Variants in RASA2 observed in about 807,000 individuals in gnomAD.
The protein encoded by RASA2 is RAS p21 protein activator 2.
RASA2 carries 155 observed loss-of-function variants against 118.2 expected under a neutral mutation model. That is an observed-to-expected ratio of 1.31 (90% CI 1.15 to 1.50). The LOEUF (loss-of-function observed/expected upper bound fraction) is 1.50, where lower values mean the gene tolerates loss of function less well. Ranked by LOEUF, RASA2 falls within the 40% of genes most tolerant of loss-of-function variation. The pLI is 0.00. For missense variants in RASA2, 1,016 were observed against 1,009.6 expected, an observed-to-expected ratio of 1.01 and a Z score of -0.09; for synonymous variants, 353 against 349.1, an observed-to-expected ratio of 1.01 and a Z score of -0.12.
At chr3:141,490,519 A>G (rs1482049537) in intron 1 of RASA2, among the ~76,000 whole-genome samples, 1 of 152,104 alleles carries the variant, frequency 6.6e-6, no homozygotes, top group Non-Finnish European at 1.5e-5. Flanking sequence ...CCATGCCACC[A>G]TATGTGTGGG....
At chr3:141,522,109 G>A (rs1448129023) in intron 3 of RASA2, among the ~76,000 whole-genome samples, 1 of 151,912 alleles carries the variant, frequency 6.6e-6, no homozygotes, top group Non-Finnish European at 1.5e-5. Context: ...AATTACATGA[G>A]TAATGTATGG....
chr3:141,561,727 G>C (rs1363535883), intron 9 of RASA2, among the ~76,000 whole-genome samples: 4 of 152,174 alleles, frequency 2.6e-5, no homozygotes, highest in African/African-American at 9.7e-5. Flanking sequence ...GATGTTAAGA[G>C]AGTAATCATC....
chr3:141,597,391 A>G (rs539246936), intron 19 of RASA2, among the ~76,000 whole-genome samples: 3 of 152,336 alleles, frequency 2.0e-5, no homozygotes, highest in Non-Finnish European at 4.4e-5. Flanking sequence ...CGAAGTGTCC[A>G]GAAAAGACAA....
At chr3:141,559,105 T>A (rs941856856) in intron 8 of RASA2, 143 bp downstream of exon 8, 2 of 580,922 alleles carry the variant, frequency 3.4e-6, no homozygotes, top group Admixed American at 6.9e-5. Context: ...GCAACTAATT[T>A]AAATCCAGAT....
intron 3 of RASA2, among the ~76,000 whole-genome samples, chr3:141,528,032 G>A (rs547697953): frequency 3.9e-5 from 6 of 151,900 alleles, no homozygotes; most frequent in African/African-American, 1.2e-4. Flanking sequence ...GGGAAGATAC[G>A]TATTTGTTAT....
At position 141,606,055 on chromosome 3, in the gene RASA2, T is replaced by C. The variant is rs569462522; in HGVS notation, c.1934-1623T>C. ...AAACCTGGGAATGGGGAGGGCCTGA[T>C]TGACCCAGCTGTTCCACATGCAACT... On this transcript the variant is annotated intron_variant, in intron 19 of 23. Coordinates refer to ENST00000286364, the MANE Select transcript of RASA2 (RefSeq NM_006506.5). 3.3e-5 allele frequency among the ~76,000 whole-genome samples: 5 copies of C among 152,330 alleles called. No homozygotes were observed. In the East Asian group the frequency reaches 5.8e-4, roughly 18 times the overall value.
Position 141,529,740 on chromosome 3 carries a change from A to G in RASA2, c.388A>G (p.Asn130Asp), listed in dbSNP as rs200373783. The G allele has an allele frequency of 9.9e-6, 16 of 1,612,114 alleles. No individual in the cohort carries two copies. The highest frequency in any genetic ancestry group is 4.2e-6 in the Non-Finnish European group (5 of 1,178,732). ...AGCCATCAAAAAAGAAGACTTGTGTAATCACAGTGGCAAAGAAACTTGGTT... is the reference window on the plus strand; with the variant it reads ...AGCCATCAAAAAAGAAGACTTGTGTGATCACAGTGGCAAAGAAACTTGGTT... Reference protein sequence around the residue: ...KVAIKKEDLCNHSGKETWFSL... With the variant: ...KVAIKKEDLCDHSGKETWFSL... The change falls in exon 4 of 24, where the codon AAT becomes GAT. Residue 130 changes from asparagine (N) to aspartate (D), a missense_variant. Transcript: ENST00000286364.
chr3:141,570,943 A>C lies in RASA2; in HGVS notation c.895A>C (p.Lys299Gln). 1 of 1,609,488 alleles carries C rather than the reference A, an allele frequency of 6.2e-7. No individual in the cohort carries two copies. Among genetic ancestry groups the C allele is most frequent in the Non-Finnish European group, 8.5e-7 (1 of 1,178,416 alleles). Residue 299 changes from lysine to glutamine, a missense_variant, in exon 10 of 24, where the codon AAG becomes CAG. Transcript: ENST00000286364. ...GCTACAGCCAAGAGACAATGGAAAC[A>C]AGTCATCCAAAACTGATGACCTGGG... Reference protein sequence around the residue: ...YLLQPRDNGNKSSKTDDLGSL... With the variant: ...YLLQPRDNGNQSSKTDDLGSL...
At chr3:141,596,581 T>A (rs2083371243) in intron 19 of RASA2, among the ~76,000 whole-genome samples, 1 of 152,224 alleles carries the variant, frequency 6.6e-6, no homozygotes, top group African/African-American at 2.4e-5. Flanking sequence ...GCAAAACGCT[T>A]ATCTAATATA....
At chr3:141,550,514 G>A (rs2082558664) in intron 5 of RASA2, among the ~76,000 whole-genome samples, 1 of 152,202 alleles carries the variant, frequency 6.6e-6, no homozygotes, top group African/African-American at 2.4e-5. Flanking sequence ...TTGAGTAAGG[G>A]CTACAGATTT....
At position 141,506,954 on chromosome 3, in the gene RASA2, C is replaced by G. The variant is rs148496247; in HGVS notation, c.134-5209C>G. On this transcript the variant is annotated intron_variant, in intron 1 of 23. Coordinates refer to ENST00000286364, the MANE Select transcript of RASA2 (RefSeq NM_006506.5). ...AAAAGAAAAAGAAAAAAGAATTTGG[C>G]ATTCCAAATTCATGAAAATATGAAT... Among the ~76,000 whole-genome samples the G allele has an allele frequency of 1.3e-4, 19 of 150,822 alleles. No homozygotes were observed. In the East Asian group the frequency reaches 3.7e-3, roughly 29 times the overall value.
In RASA2 at chr3:141,563,444, A is replaced by G. The variant is rs368081605; in HGVS notation, c.863+3449A>G. On this transcript the variant is annotated intron_variant, in intron 9 of 23. Coordinates refer to ENST00000286364, the MANE Select transcript of RASA2 (RefSeq NM_006506.5). Reference sequence around the variant, plus strand: ...CAGTTTATTAAATTGAGCTTTTGTAATAATATTTTAAAATAATCACATTTA... The same window carrying G: ...CAGTTTATTAAATTGAGCTTTTGTAGTAATATTTTAAAATAATCACATTTA... Among the ~76,000 whole-genome samples, 5 of 152,166 alleles carry G rather than the reference A, an allele frequency of 3.3e-5. No homozygotes were observed. In the South Asian group the frequency reaches 8.3e-4, roughly 25 times the overall value.
Position 141,609,414 on chromosome 3 carries a change from C to T in RASA2, c.2226-6C>T, listed in dbSNP as rs1367240652. 1 of 1,498,288 alleles carries T rather than the reference C, an allele frequency of 6.7e-7. No homozygotes were observed. Among genetic ancestry groups the T allele is most frequent in the Non-Finnish European group, 9.1e-7 (1 of 1,104,604 alleles). The allele number at this position is 1,498,288 out of a possible 1,614,324, so 92.8% of individuals were successfully genotyped here. A position where few individuals can be genotyped will look rare whatever the true frequency, so the allele number is the denominator to read the frequency against. On this transcript the variant is annotated splice_region_variant and splice_polypyrimidine_tract_variant and intron_variant, in intron 21 of 23. Transcript: ENST00000286364. ...TAATATCTTTATTTTTTTATTTTTA[C>T]CATAGAGGTGTCCCTGCAGACATCC...
At chr3:141,573,385 T>C (rs2082955282) in intron 13 of RASA2, among the ~76,000 whole-genome samples, 164 bp downstream of exon 13, 1 of 152,226 alleles carries the variant, frequency 6.6e-6, no homozygotes, top group South Asian at 2.1e-4. Flanking sequence ...GGATTAGTTT[T>C]TAGAATGTTA....
intron 2 of RASA2, among the ~76,000 whole-genome samples, chr3:141,515,273 G>A (rs530999412): frequency 3.9e-5 from 6 of 152,010 alleles, no homozygotes; most frequent in Non-Finnish European, 5.9e-5. Flanking sequence ...TTTTGAAGTA[G>A]CCTTTCACAT....
chr3:141,523,112 A>G (rs2082134860), intron 3 of RASA2, among the ~76,000 whole-genome samples: 1 of 152,010 alleles, frequency 6.6e-6, no homozygotes, highest in Admixed American at 6.6e-5. Flanking sequence ...AAAATTTTAA[A>G]TTATGGCATA....
At chr3:141,608,352 T>C in intron 20 of RASA2, 137 bp from the exon 21 acceptor site, 1 of 790,478 alleles carries the variant, frequency 1.3e-6, no homozygotes, top group Non-Finnish European at 2.0e-6. Flanking sequence ...GCTTGAAACA[T>C]AATAATTTCT....
At chr3:141,591,263 A>T (rs144879343) in intron 19 of RASA2, among the ~76,000 whole-genome samples, 1 of 152,326 alleles carries the variant, frequency 6.6e-6, no homozygotes, top group South Asian at 2.1e-4. Flanking sequence ...GCATATGTAC[A>T]TAAAAATATC....
At chr3:141,572,142 A>G (rs1255705195) in intron 11 of RASA2, among the ~76,000 whole-genome samples, 1 of 150,162 alleles carries the variant, frequency 6.7e-6, no homozygotes, top group Non-Finnish European at 1.5e-5. Flanking sequence ...CCCAGGTTGG[A>G]GTGCAGTGGC....
Sources: gnomAD v4.1 joint callset for allele counts (sites outside exome capture counted in the v4.1 genomes callset) on GRCh38, gnomAD v4.1.1 for gene constraint, MANE v1.5 for transcripts, NCBI Gene and HGNC (gene_info 2026-07-23, HGNC 2026-07-21) for gene names.